SHISA6: variants seen among roughly 807,000 people sequenced by gnomAD.
SHISA6 encodes the protein protein shisa-6.
In SHISA6, 22 loss-of-function variants were observed where a neutral mutation model predicts 47.9. The ratio of observed to expected loss-of-function variants is 0.46; its 90% CI spans 0.33 to 0.66. The LOEUF (loss-of-function observed/expected upper bound fraction) is 0.66, where lower values mean the gene tolerates loss of function less well. Among genes scored for constraint, SHISA6 ranks in the 30% least tolerant of loss-of-function variants. SHISA6 has a pLI of 0.02. For synonymous variants in SHISA6, 388 were observed against 337.8 expected (o/e 1.15, Z -1.63); for missense variants, 680 against 764.6 (o/e 0.89, Z 1.30).
At chr17:11,351,710 G>T (rs1193555237) in intron 2 of SHISA6, among the ~76,000 whole-genome samples, 1 of 152,228 alleles carries the variant, frequency 6.6e-6, no homozygotes, top group Non-Finnish European at 1.5e-5. Context: ...CTCTGGCATA[G>T]GCCCTAAGCA....
chr17:11,479,263 T>C (rs1320693561), intron 3 of SHISA6, among the ~76,000 whole-genome samples: 25 of 152,106 alleles, frequency 1.6e-4, no homozygotes, highest in Non-Finnish European at 2.5e-4. Context: ...TTGAGTACCT[T>C]ATAATACTAT....
chr17:11,250,318 G>A (rs561968377), intron 1 of SHISA6, among the ~76,000 whole-genome samples: 19 of 152,222 alleles, frequency 1.2e-4, no homozygotes, highest in African/African-American at 3.4e-4. Context: ...GCATTCAGAC[G>A]GGGTCACCAG....
chr17:11,473,303 T>C (rs929740231), intron 3 of SHISA6, among the ~76,000 whole-genome samples: 2 of 152,098 alleles, frequency 1.3e-5, no homozygotes, highest in Admixed American at 1.3e-4. Flanking sequence ...ATTTAGGTTA[T>C]AAATCCATTT....
chr17:11,388,837 TATA>T (rs1913292569), intron 3 of SHISA6, among the ~76,000 whole-genome samples: 3 of 92,072 alleles, frequency 3.3e-5, no homozygotes, highest in Non-Finnish European at 6.4e-5. Flanking sequence ...TATATATATA[TATA>T]TTTTAAAAAA....
intron 2 of SHISA6, among the ~76,000 whole-genome samples, chr17:11,318,933 T>G (rs565305787): frequency 6.6e-6 from 1 of 152,330 alleles, no homozygotes; most frequent in African/African-American, 2.4e-5. Context: ...CTTTTAACTT[T>G]TCTCTCATAA....
intron 3 of SHISA6, among the ~76,000 whole-genome samples, chr17:11,381,934 C>T (rs949625936): frequency 6.6e-6 from 1 of 152,236 alleles, no homozygotes; most frequent in Non-Finnish European, 1.5e-5. Flanking sequence ...CTGACACCTT[C>T]TCTTTCCAGG....
At chr17:11,401,974 T>C (rs117194699) in intron 3 of SHISA6, among the ~76,000 whole-genome samples, 3,123 of 152,226 alleles carry the variant, frequency 0.021, 109 homozygotes, top group African/African-American at 0.06. Context: ...GAAACCACAA[T>C]GAACACTCCC....
At chr17:11,551,033 G>T (rs182114139) in intron 3 of SHISA6, among the ~76,000 whole-genome samples, 1 of 152,350 alleles carries the variant, frequency 6.6e-6, no homozygotes, top group East Asian at 1.9e-4. Flanking sequence ...GTAACCTGCG[G>T]TTTAGGTAAA....
At chr17:11,297,016 G>A (rs1014079886) in intron 2 of SHISA6, among the ~76,000 whole-genome samples, 2 of 152,154 alleles carry the variant, frequency 1.3e-5, no homozygotes, top group African/African-American at 4.8e-5. Context: ...TCAGGGACTC[G>A]AGAGGCCAAT....
rs181009579 is a variant in SHISA6, at chr17:11,560,049, C to G, written c.*1745C>G. The G allele has an allele frequency of 9.2e-5, 14 of 152,326 alleles. No homozygotes were observed. Among genetic ancestry groups the G allele is most frequent in the African/African-American group, 3.1e-4 (13 of 41,562 alleles). The allele number at this position is 152,326 out of a possible 1,614,324, so 9.4% of individuals were successfully genotyped here. On this transcript the variant is annotated 3_prime_UTR_variant, in exon 6 of 6. Coordinates refer to ENST00000441885, the MANE Select transcript of SHISA6 (RefSeq NM_207386.4). ...CCTGCCCTCAGTTCTGCACTCATGG[C>G]CCTTTAAAAAGGCGAGTGTAGAAGG...
intron 2 of SHISA6, among the ~76,000 whole-genome samples, chr17:11,319,256 T>C (rs1910628867): frequency 6.6e-6 from 1 of 152,122 alleles, no homozygotes; most frequent in Non-Finnish European, 1.5e-5. Flanking sequence ...TTTTTGTATT[T>C]TTAGTGGAGA....
At chr17:11,274,910 G>A (rs138134765) in intron 2 of SHISA6, among the ~76,000 whole-genome samples, 80 of 152,284 alleles carry the variant, frequency 5.3e-4, no homozygotes, top group African/African-American at 1.9e-3. Context: ...GATTGAATGG[G>A]CGAGGAGGAG....
chr17:11,255,744 C>T (rs1328775363), intron 1 of SHISA6, among the ~76,000 whole-genome samples: 2 of 152,206 alleles, frequency 1.3e-5, no homozygotes, highest in Non-Finnish European at 1.5e-5. Context: ...GGCTCCCCCA[C>T]CACACCAAGA....
chr17:11,301,508 C>A (rs535049752), intron 2 of SHISA6, among the ~76,000 whole-genome samples: 1 of 152,218 alleles, frequency 6.6e-6, no homozygotes, highest in South Asian at 2.1e-4. Context: ...AGGTGCTGAC[C>A]AGAGAACTGT....
rs182245666 is a variant in SHISA6 at position 11,500,145 on chromosome 17, G to A, written c.896-51751G>A. On this transcript the variant is annotated intron_variant, in intron 3 of 5. Transcript: ENST00000441885. ...TTCAGACGGGCACACCCTGGCCAAG[G>A]GAATCTGACCTCCTGCCATATGTAT... 1.6e-4 allele frequency among the ~76,000 whole-genome samples: 24 copies of A among 152,268 alleles called. No homozygotes were observed. The East Asian group carries it at 4.4e-3, about 28-fold the overall frequency.
At chr17:11,350,510 A>G (rs1239989928) in intron 2 of SHISA6, among the ~76,000 whole-genome samples, 1 of 151,922 alleles carries the variant, frequency 6.6e-6, no homozygotes, top group East Asian at 1.9e-4. Context: ...GCTTATGAAG[A>G]AACCAAACCA....
chr17:11,471,784 A>G (rs75556738), intron 3 of SHISA6, among the ~76,000 whole-genome samples: 189 of 152,254 alleles, frequency 1.2e-3, no homozygotes, highest in African/African-American at 4.3e-3. Context: ...CTTAAAAGAT[A>G]TTTTTTAGAG....
intron 2 of SHISA6, among the ~76,000 whole-genome samples, chr17:11,273,728 C>A (rs147771050): frequency 3.9e-5 from 6 of 152,282 alleles, no homozygotes; most frequent in Non-Finnish European, 7.4e-5. Flanking sequence ...TGATGGGCAG[C>A]CTGCCCGCAG....
chr17:11,252,777 C>G (rs547055832), intron 1 of SHISA6, among the ~76,000 whole-genome samples: 4 of 152,300 alleles, frequency 2.6e-5, no homozygotes, highest in African/African-American at 9.6e-5. Flanking sequence ...CCTGCAGCGA[C>G]AGGGCATGTG....
Sources: gnomAD v4.1 joint callset for allele counts (sites outside exome capture counted in the v4.1 genomes callset) on GRCh38, gnomAD v4.1.1 for gene constraint, MANE v1.5 for transcripts, NCBI Gene and HGNC (gene_info 2026-07-23, HGNC 2026-07-21) for gene names.